Variants in PKD1L1 observed in about 807,000 individuals in gnomAD.
PKD1L1 encodes the protein polycystin 1 like 1, transient receptor potential channel interacting.
PKD1L1 carries 236 observed loss-of-function variants against 323.4 expected under a neutral mutation model. The ratio of observed to expected loss-of-function variants is 0.73; its 90% CI spans 0.66 to 0.81. The LOEUF is 0.81. Ranked by LOEUF, PKD1L1 falls within the 40% of genes least tolerant of loss-of-function variation. The probability of loss-of-function intolerance (pLI) is 0.00; values close to 1 mark genes in which losing one functional copy is unlikely to be tolerated. For synonymous variants in PKD1L1, 1,344 were observed against 1,335.0 expected (o/e 1.01, Z -0.15); for missense variants, 3,320 against 3,508.0 (o/e 0.95, Z 1.35).
At chr7:47,814,150 A>C in intron 47 of PKD1L1, 136 bp from the exon 48 acceptor site, 1 of 635,538 alleles carries the variant, frequency 1.6e-6, no homozygotes, top group Non-Finnish European at 2.7e-6. Flanking sequence ...TTTTCCTTCC[A>C]ATACCATTTT....
intron 54 of PKD1L1, 144 bp from the exon 55 acceptor site, chr7:47,796,294 A>G (rs113484173): frequency 3.0e-5 from 23 of 777,810 alleles, no homozygotes; most frequent in African/African-American, 2.8e-4. Flanking sequence ...TTCTTGGTGA[A>G]AAAAAGCAAA....
intron 44 of PKD1L1, among the ~76,000 whole-genome samples, chr7:47,828,438 G>A (rs781603386): frequency 2.0e-5 from 3 of 151,986 alleles, no homozygotes; most frequent in Non-Finnish European, 2.9e-5. Context: ...CAAGGGCAAC[G>A]TTGCTTCTCA....
Position 47,840,825 on chromosome 7 carries a change from A to G in PKD1L1, c.5446-258T>C, listed in dbSNP as rs1343453459. On this transcript the variant is annotated intron_variant, in intron 34 of 56. Coordinates refer to ENST00000289672, the MANE Select transcript of PKD1L1 (RefSeq NM_138295.5). This position sits in a 1 kb window ranked among gnomAD's most constrained non-coding sequence, Gnocchi z 4.1. ...CTCACCTATTTGATCTAGAAAAGCC[A>G]GATCCCAACTAGGATTCGGGAGGGC... Among the ~76,000 whole-genome samples the G allele has an allele frequency of 1.3e-5, 2 of 152,234 alleles. No individual in the cohort carries two copies. The highest frequency in any genetic ancestry group is 2.9e-5 in the Non-Finnish European group (2 of 68,044).
At chr7:47,864,252 G>A (rs1228555504) in intron 26 of PKD1L1, among the ~76,000 whole-genome samples, 1 of 152,214 alleles carries the variant, frequency 6.6e-6, no homozygotes, top group Non-Finnish European at 1.5e-5. Context: ...AGAAGCCTAT[G>A]CAGGGGCTGG....
intron 4 of PKD1L1, among the ~76,000 whole-genome samples, chr7:47,936,153 T>G (rs573187511): frequency 6.6e-6 from 1 of 152,340 alleles, no homozygotes; most frequent in Admixed American, 6.5e-5. Flanking sequence ...GGTGCTATTG[T>G]GTTTTTTTAA....
In PKD1L1 at chr7:47,905,175, CTTTT is replaced by C. The variant is rs897900295; in HGVS notation, c.1669_1672del (p.Lys557AspfsTer10). On this transcript the variant is annotated frameshift_variant, in exon 11 of 57. Coordinates refer to ENST00000289672, the MANE Select transcript of PKD1L1 (RefSeq NM_138295.5). LOFTEE classifies it high-confidence loss of function. ...TACTGACCATTGGGGGATGCTGAGT[CTTTT>C]TTTAATGCTTCTTGAAGTTGTCCTC... 5.0e-6 allele frequency: 8 copies of C among 1,613,930 alleles called. No individual in the cohort carries two copies. The highest frequency in any genetic ancestry group is 6.8e-6 in the Non-Finnish European group (8 of 1,179,936).
chr7:47,868,344 G>A (rs62450662), intron 24 of PKD1L1, among the ~76,000 whole-genome samples: 49,082 of 151,912 alleles, frequency 0.32, 8,462 homozygotes, highest in African/African-American at 0.43. Flanking sequence ...ACTGCAGCCT[G>A]GGCGACAGGG....
At position 47,840,652 on chromosome 7, in the gene PKD1L1, T is replaced by C. The variant is rs1322387036; in HGVS notation, c.5446-85A>G. 7.8e-6 allele frequency: 8 copies of C among 1,021,026 alleles called. No homozygotes were observed. Among genetic ancestry groups the C allele is most frequent in the Non-Finnish European group, 1.2e-5 (8 of 669,562 alleles). 63.2% of individuals were successfully genotyped at this position (1,021,026 alleles called of 1,614,324 possible). A position where few individuals can be genotyped will look rare whatever the true frequency, so the allele number is the denominator to read the frequency against. On this transcript the variant is annotated intron_variant, in intron 34 of 56. Coordinates refer to ENST00000289672, the MANE Select transcript of PKD1L1 (RefSeq NM_138295.5). The surrounding 1 kb of genome is among the most constrained non-coding windows in gnomAD (Gnocchi z 4.1). ...CTGGGCAGGGCTTCCTCGCACTTTCTCCCAGCGTCCCACCCTTCCTCAAAA... is the reference window on the plus strand; with the variant it reads ...CTGGGCAGGGCTTCCTCGCACTTTCCCCCAGCGTCCCACCCTTCCTCAAAA...
chr7:47,827,326 C>T (rs1177711579), intron 45 of PKD1L1, 24 bp downstream of exon 45: 3 of 1,580,704 alleles, frequency 1.9e-6, no homozygotes, highest in Non-Finnish European at 2.6e-6. Flanking sequence ...GGAGCAAGCC[C>T]TCCCGACAGA....
intron 39 of PKD1L1, 21 bp downstream of exon 39, chr7:47,834,946 A>T (rs1785424850): frequency 1.2e-6 from 2 of 1,607,022 alleles, no homozygotes. Flanking sequence ...AGAGTTTCTG[A>T]GAGTTTTAAT....
Position 47,803,281 on chromosome 7 carries a change from C to A in PKD1L1, c.7891G>T (p.Gly2631Cys), listed in dbSNP as rs769345180. 1 of 1,614,082 alleles carries A rather than the reference C, an allele frequency of 6.2e-7. No individual in the cohort carries two copies. The change falls in exon 53 of 57, where the codon GGC (glycine) becomes TGC (cysteine). Residue 2631 changes from glycine to cysteine, a missense_variant. Coordinates refer to ENST00000289672, the MANE Select transcript of PKD1L1 (RefSeq NM_138295.5). ...CAGGATGCCATTGTGTTTTGAATGC[C>A]AGGAAGATAGACGCATTTTAATGTG... is the stretch of plus-strand genomic sequence containing the variant. The part of the protein sequence containing the change: ...LFTLKCVYLP[G>C]IQNTMASCSS...
chr7:47,856,543 T>G (rs1220014887), intron 28 of PKD1L1, among the ~76,000 whole-genome samples: 6 of 151,000 alleles, frequency 4.0e-5, no homozygotes, highest in Admixed American at 6.6e-5. Context: ...TAGTGTAGAT[T>G]CTTACAAGTG....
chr7:47,837,127 C>G, intron 36 of PKD1L1, 33 bp from the exon 37 acceptor site: 1 of 1,608,986 alleles, frequency 6.2e-7, no homozygotes, highest in Non-Finnish European at 8.5e-7. Context: ...TGTTCCCTGA[C>G]ATGGAGCATT....
At chr7:47,799,610 C>T (rs1198906507) in intron 54 of PKD1L1, among the ~76,000 whole-genome samples, 1 of 152,102 alleles carries the variant, frequency 6.6e-6, no homozygotes. Flanking sequence ...ATGCTCAGAG[C>T]CTTTGGGGGT....
chr7:47,786,494 T>C (rs1786810213), intron 56 of PKD1L1, among the ~76,000 whole-genome samples: 1 of 152,136 alleles, frequency 6.6e-6, no homozygotes, highest in South Asian at 2.1e-4. Context: ...TCCACAGTTA[T>C]AAAAACCATC....
intron 55 of PKD1L1, 92 bp downstream of exon 55, chr7:47,795,897 A>T: frequency 2.8e-6 from 4 of 1,419,960 alleles, no homozygotes; most frequent in Non-Finnish European, 3.9e-6. Flanking sequence ...AAACATACTC[A>T]TGCTTTGATA....
chr7:47,801,722 A>G (rs1784666404), intron 53 of PKD1L1, among the ~76,000 whole-genome samples: 1 of 152,250 alleles, frequency 6.6e-6, no homozygotes, highest in African/African-American at 2.4e-5. Context: ...ATCAGACATC[A>G]GTGGAACTCA....
At chr7:47,869,799 C>T (rs977076821) in intron 24 of PKD1L1, among the ~76,000 whole-genome samples, 2 of 152,072 alleles carry the variant, frequency 1.3e-5, no homozygotes, top group African/African-American at 4.8e-5. Context: ...TTTTCAAGTG[C>T]ACATGGGACA....
In PKD1L1 at chr7:47,833,172, G is replaced by C; in HGVS notation, c.6255C>G (p.Ala2085=). 1 of 1,612,892 alleles carries C rather than the reference G, an allele frequency of 6.2e-7. No individual in the cohort carries two copies. Among genetic ancestry groups the C allele is most frequent in the South Asian group, 1.1e-5 (1 of 90,670 alleles). ...AASDNGTACP[A]PKLQVHGADH... ...CAGCCCCATGAACCTGCAGCTTAGG[G>C]GCTGGACAAGCTGTGCCATTGTCAC... The change falls in exon 41 of 57, where the codon GCC becomes GCG. Residue 2085 remains alanine (A), a synonymous_variant. Transcript: ENST00000289672.
Sources: gnomAD v4.1 joint callset for allele counts (sites outside exome capture counted in the v4.1 genomes callset) on GRCh38, gnomAD v4.1.1 for gene constraint, Gnocchi (gnomAD v3.1) non-coding constraint, MANE v1.5 for transcripts, NCBI Gene and HGNC (gene_info 2026-07-23, HGNC 2026-07-21) for gene names.